LRRK2: variants seen among roughly 807,000 people sequenced by gnomAD.
LRRK2 encodes the protein leucine rich repeat kinase 2, also known as leucine-rich repeat serine/threonine-protein kinase 2.
A neutral mutation model predicts 302.6 loss-of-function variants in LRRK2; 203 were observed. The observed-to-expected ratio is 0.67, with a 90% CI of 0.60 to 0.75. The LOEUF (loss-of-function observed/expected upper bound fraction) is 0.75. LRRK2 is among the 30% of genes least tolerant of loss of function. LRRK2 has a pLI of 0.00. For synonymous variants in LRRK2, 1,066 were observed against 1,031.9 expected (o/e 1.03, Z -0.63); for missense variants, 2,830 against 2,951.0 (o/e 0.96, Z 0.95).
At chr12:40,281,217 C>T (rs549279352) in intron 18 of LRRK2, among the ~76,000 whole-genome samples, 1 of 152,292 alleles carries the variant, frequency 6.6e-6, no homozygotes, top group African/African-American at 2.4e-5. Flanking sequence ...CGACAACCTA[C>T]GAAAAGGTCC....
At chr12:40,257,190 T>C (rs1592172108) in intron 11 of LRRK2, 58 bp from the exon 12 acceptor site, 3 of 1,261,608 alleles carry the variant, frequency 2.4e-6, no homozygotes, top group African/African-American at 3.0e-5. Context: ...CTAAAGCTTA[T>C]GGTAAAATTA....
At chr12:40,245,166 A>G (rs185807449) in intron 7 of LRRK2, among the ~76,000 whole-genome samples, 24 of 152,202 alleles carry the variant, frequency 1.6e-4, no homozygotes, top group Middle Eastern at 3.4e-3. Context: ...TTTCCCTAAG[A>G]TAATAAATAT....
chr12:40,350,559 G>A (rs1425846160), intron 43 of LRRK2, among the ~76,000 whole-genome samples: 1 of 152,190 alleles, frequency 6.6e-6, no homozygotes, highest in African/African-American at 2.4e-5. Context: ...TTTAATAAAT[G>A]TGGGTTATCT....
chr12:40,282,153 TCTCTTCCCCTTCCCCTTC>T (rs1403489799), intron 18 of LRRK2, among the ~76,000 whole-genome samples: 5 of 129,376 alleles, frequency 3.9e-5, no homozygotes, highest in African/African-American at 1.1e-4. Context: ...CCTTCTCCTT[TCTCTTCCCCTTCCCCTTC>T]CTCTTCCCCT....
chr12:40,285,180 G>T (rs532004907), intron 19 of LRRK2, among the ~76,000 whole-genome samples: 5 of 152,098 alleles, frequency 3.3e-5, no homozygotes, highest in Middle Eastern at 3.4e-3. Flanking sequence ...TCCTGTCTCA[G>T]TGCTATCACC....
intron 7 of LRRK2, among the ~76,000 whole-genome samples, chr12:40,245,692 G>C (rs188561083): frequency 6.6e-6 from 1 of 152,066 alleles, no homozygotes; most frequent in Admixed American, 6.6e-5. Context: ...GCACATCTTA[G>C]TTTTTGCTAC....
chr12:40,237,873 TCA>T (rs1320237176), intron 4 of LRRK2, 94 bp from the exon 5 acceptor site: 69 of 1,330,910 alleles, frequency 5.2e-5, no homozygotes, highest in Non-Finnish European at 6.4e-5. Context: ...TACAAACCAT[TCA>T]CAGTCTTCAT....
rs758953883 is a variant in LRRK2, at chr12:40,308,450, T to C, written c.3960-17T>C. On this transcript the variant is annotated splice_polypyrimidine_tract_variant and intron_variant, in intron 28 of 50. Transcript: ENST00000298910. ...TTTAAGCAGTTTATTATTTTATTTT[T>C]ATCTTTCAAATACTAGGTTTCTTCA... The C allele has an allele frequency of 6.3e-7, 1 of 1,595,108 alleles. No homozygotes were observed. The highest frequency in any genetic ancestry group is 1.1e-5 in the South Asian group (1 of 90,416).
chr12:40,327,533 A>G (rs1267207002), intron 38 of LRRK2, among the ~76,000 whole-genome samples: 1 of 152,214 alleles, frequency 6.6e-6, no homozygotes, highest in African/African-American at 2.4e-5. Flanking sequence ...GTAGAACAAG[A>G]GGAGAACTTT....
At chr12:40,307,778 TTTC>T (rs1191579580) in intron 28 of LRRK2, among the ~76,000 whole-genome samples, 222 of 79,492 alleles carry the variant, frequency 2.8e-3, no homozygotes, top group African/African-American at 9.2e-3. Flanking sequence ...TTTCTTTTCT[TTTC>T]TTTTTTTTTT....
At chr12:40,342,151 C>T (rs574789922) in intron 41 of LRRK2, among the ~76,000 whole-genome samples, 28 of 152,172 alleles carry the variant, frequency 1.8e-4, no homozygotes, top group Non-Finnish European at 7.4e-5. Context: ...GTGGATCTCT[C>T]GGGTCCCTGT....
At position 40,298,218 on chromosome 12, in the gene LRRK2, G is replaced by C. The variant is rs748657501; in HGVS notation, c.3097-25G>C. On this transcript the variant is annotated intron_variant, in intron 23 of 50. Transcript: ENST00000298910. ...TAAGTTCCTCAGATGGTTCACTTTA[G>C]AATTTTAAACTATTGTCTTTTCAGA... The C allele has an allele frequency of 6.8e-6, 11 of 1,610,384 alleles. No individual in the cohort carries two copies. The East Asian group carries it at 1.6e-4, about 23-fold the overall frequency.
intron 23 of LRRK2, among the ~76,000 whole-genome samples, chr12:40,296,605 C>T (rs998937081): frequency 6.6e-6 from 1 of 151,734 alleles, no homozygotes; most frequent in African/African-American, 2.4e-5. Context: ...GTACTCTAGC[C>T]TGGGCAACAG....
At chr12:40,336,336 G>T (rs1945868834) in intron 40 of LRRK2, among the ~76,000 whole-genome samples, 1 of 152,122 alleles carries the variant, frequency 6.6e-6, no homozygotes. Flanking sequence ...ACGACCCTTT[G>T]TCTCTCCAGC....
At chr12:40,232,436 A>G in intron 3 of LRRK2, 53 bp downstream of exon 3, 23 of 1,229,024 alleles carry the variant, frequency 1.9e-5, no homozygotes, top group Non-Finnish European at 2.7e-5. Context: ...ATTTGTACAC[A>G]TGACAACCTT....
At chr12:40,272,201 T>C (rs1362994709) in intron 14 of LRRK2, among the ~76,000 whole-genome samples, 3 of 152,198 alleles carry the variant, frequency 2.0e-5, no homozygotes, top group Non-Finnish European at 2.9e-5. Flanking sequence ...CCTGTGAAGC[T>C]GGCCTTGCCT....
At position 40,295,558 on chromosome 12, in the gene LRRK2, T is replaced by C. The variant is rs1944350418; in HGVS notation, c.3010T>C (p.Cys1004Arg). The C allele has an allele frequency of 6.2e-7, 1 of 1,613,948 alleles. No homozygotes were observed. The highest frequency in any genetic ancestry group is 1.1e-5 in the South Asian group (1 of 91,084). ...AGATATTGATGCCCTAAGCCAGAAA[T>C]GCTGTATAAGTGTTCATTTGGAGCA... ...LRDIDALSQK[C>R]CISVHLEHLE... The change falls in exon 23 of 51, where the codon TGC becomes CGC. Residue 1004 changes from cysteine (C) to arginine (R), a missense_variant. Transcript: ENST00000298910.
intron 8 of LRRK2, 58 bp from the exon 9 acceptor site, chr12:40,251,174 A>G (rs891023750): frequency 2.3e-5 from 27 of 1,197,862 alleles, no homozygotes; most frequent in Non-Finnish European, 2.7e-5. Context: ...AGAGTTGGTC[A>G]AACTGTTAAG....
intron 25 of LRRK2, among the ~76,000 whole-genome samples, chr12:40,299,705 G>C (rs964120091): frequency 4.6e-5 from 7 of 152,112 alleles, no homozygotes; most frequent in Non-Finnish European, 1.5e-5. Context: ...GCAGTATAAA[G>C]AATGAACCCT....
Sources: allele counts gnomAD v4.1 joint callset (sites outside exome capture counted in the v4.1 genomes callset), GRCh38; gene constraint gnomAD v4.1.1; transcripts MANE v1.5; gene names NCBI Gene and HGNC (gene_info 2026-07-23, HGNC 2026-07-21).